MARCHF8: variants seen among roughly 807,000 people sequenced by gnomAD.
MARCHF8 encodes E3 ubiquitin-protein ligase MARCHF8.
MARCHF8 carries 40 observed loss-of-function variants against 51.6 expected under a neutral mutation model. That is an observed-to-expected ratio of 0.77 (90% CI 0.60 to 1.01). MARCHF8 has a LOEUF of 1.01. Among genes scored for constraint, MARCHF8 ranks in the 50% least tolerant of loss-of-function variants. The pLI is 0.00. For missense variants in MARCHF8, 685 were observed against 708.6 expected, an observed-to-expected ratio of 0.97 and a Z score of 0.38; for synonymous variants, 263 against 280.3, an observed-to-expected ratio of 0.94 and a Z score of 0.62.
chr10:45,593,966 T>C (rs112400520), intron 1 of MARCHF8, among the ~76,000 whole-genome samples: 2,082 of 152,300 alleles, frequency 0.014, 54 homozygotes, highest in African/African-American at 0.047. Flanking sequence ...AGCGTGGGGA[T>C]GGGTGGTGAG....
At chr10:45,509,356 G>T (rs2043450766) in intron 2 of MARCHF8, among the ~76,000 whole-genome samples, 1 of 152,158 alleles carries the variant, frequency 6.6e-6, no homozygotes, top group Non-Finnish European at 1.5e-5. Flanking sequence ...TCTTCTTAAA[G>T]CTATCTATAA....
At position 45,459,258 on chromosome 10, in the gene MARCHF8, A is replaced by G; in HGVS notation, c.1279T>C (p.Leu427=). The G allele has an allele frequency of 6.2e-7, 1 of 1,613,896 alleles. No individual in the cohort carries two copies. Among genetic ancestry groups the G allele is most frequent in the Non-Finnish European group, 8.5e-7 (1 of 1,179,928 alleles). ...CTGCGCTCGCTGGACGTCATCTGCA[A>G]CTTCTCCCACTAGAAAGACAACACA... ...KLKPLRKWEK[L]QMTSSERRKI... is the part of the protein sequence containing the mutation. Residue 427 remains leucine (L), a synonymous_variant, in exon 7 of 8, where the codon TTG becomes CTG. Transcript: ENST00000453424.
chr10:45,523,851 T>G (rs1427882546), intron 2 of MARCHF8, among the ~76,000 whole-genome samples: 1 of 152,224 alleles, frequency 6.6e-6, no homozygotes, highest in Admixed American at 6.5e-5. Flanking sequence ...AAACTCTCAC[T>G]AGACCAACAT....
intron 3 of MARCHF8, among the ~76,000 whole-genome samples, chr10:45,468,322 T>C (rs907024122): frequency 6.6e-6 from 1 of 152,204 alleles, no homozygotes; most frequent in Non-Finnish European, 1.5e-5. Flanking sequence ...GTTTACCCAG[T>C]TGATAGTGCA....
rs552045759 is a variant in MARCHF8 at position 45,533,064 on chromosome 10, A to G, written c.102+46T>C. 6.2e-5 allele frequency: 91 copies of G among 1,479,398 alleles called. No individual in the cohort carries two copies. In the African/African-American group the frequency reaches 1.2e-3, roughly 20 times the overall value. The allele number at this position is 1,479,398 out of a possible 1,614,324, so 91.6% of individuals were successfully genotyped here. On this transcript the variant is annotated intron_variant, in intron 2 of 7. Transcript: ENST00000453424. ...CACTGTTCTAGGTCATCTTTAATAA[A>G]AATTTAATAAAAATAATGAAACTAA...
chr10:45,524,007 C>T (rs1184814461), intron 2 of MARCHF8, among the ~76,000 whole-genome samples: 5 of 152,076 alleles, frequency 3.3e-5, no homozygotes, highest in African/African-American at 7.2e-5. Context: ...TAGCTGGAAT[C>T]GATATTGTTG....
chr10:45,518,788 G>C (rs903970918), intron 2 of MARCHF8, among the ~76,000 whole-genome samples: 3 of 152,180 alleles, frequency 2.0e-5, no homozygotes, highest in Non-Finnish European at 4.4e-5. Context: ...ACACTGGTAT[G>C]GTTCTAGAGC....
At chr10:45,557,362 C>G (rs1169191083) in intron 1 of MARCHF8, among the ~76,000 whole-genome samples, 4 of 152,082 alleles carry the variant, frequency 2.6e-5, no homozygotes, top group Middle Eastern at 3.4e-3. Context: ...CTCCTGACCT[C>G]AGGTGATCCA....
intron 1 of MARCHF8, among the ~76,000 whole-genome samples, chr10:45,584,826 G>A (rs545790729): frequency 2.1e-4 from 32 of 152,222 alleles, no homozygotes; most frequent in African/African-American, 5.8e-4. Context: ...TCCTATTGCC[G>A]GCTTTGAAGA....
chr10:45,509,415 T>G (rs73287373), intron 2 of MARCHF8, among the ~76,000 whole-genome samples: 3,758 of 152,314 alleles, frequency 0.025, 158 homozygotes, highest in African/African-American at 0.085. Context: ...GAAACACTTG[T>G]AAACATCTTA....
chr10:45,454,625 C>T lies in MARCHF8; in HGVS notation c.*3614G>A, dbSNP rs1197575257. ...GGCTTTATTGCTGCAATTAGACATC[C>T]CAGTGTATAGCACAAACCCCCCTGT... On this transcript the variant is annotated 3_prime_UTR_variant, in exon 8 of 8. Coordinates refer to ENST00000453424, the MANE Select transcript of MARCHF8 (RefSeq NM_001282866.2). 6.6e-6 allele frequency: 1 copy of T among 152,148 alleles called. No homozygotes were observed. The highest frequency in any genetic ancestry group is 1.5e-5 in the Non-Finnish European group (1 of 68,022). 9.4% of individuals were successfully genotyped at this position (152,148 alleles called of 1,614,324 possible).
intron 2 of MARCHF8, among the ~76,000 whole-genome samples, chr10:45,520,603 C>T (rs1227914694): frequency 6.6e-6 from 1 of 152,134 alleles, no homozygotes; most frequent in Non-Finnish European, 1.5e-5. Flanking sequence ...GGGCTAGTCA[C>T]CAGATTTCTG....
At chr10:45,460,727 A>C (rs1172151761) in intron 6 of MARCHF8, among the ~76,000 whole-genome samples, 1 of 152,236 alleles carries the variant, frequency 6.6e-6, no homozygotes, top group East Asian at 1.9e-4. Context: ...TTCTGAAGAC[A>C]GTTGCACATC....
chr10:45,572,051 A>G (rs1003460289), intron 1 of MARCHF8, among the ~76,000 whole-genome samples: 8 of 152,068 alleles, frequency 5.3e-5, no homozygotes, highest in African/African-American at 2.4e-5. Context: ...TTGCAGGGAC[A>G]CCTGCTTTGG....
At chr10:45,534,628 G>A (rs2043945506) in intron 1 of MARCHF8, among the ~76,000 whole-genome samples, 1 of 152,130 alleles carries the variant, frequency 6.6e-6, no homozygotes, top group Non-Finnish European at 1.5e-5. Flanking sequence ...ACAGAAAATG[G>A]AAGCCTTCAA....
intron 1 of MARCHF8, among the ~76,000 whole-genome samples, chr10:45,548,765 G>A (rs1050409143): frequency 1.1e-4 from 17 of 152,130 alleles, no homozygotes; most frequent in African/African-American, 4.1e-4. Context: ...GGAGGCCGAG[G>A]CGGTGGATCG....
chr10:45,582,425 T>C (rs566616098), intron 1 of MARCHF8, among the ~76,000 whole-genome samples: 78 of 152,300 alleles, frequency 5.1e-4, no homozygotes, highest in Admixed American at 1.8e-3. Context: ...CTTCTCCAAG[T>C]TGTAAAATGC....
intron 1 of MARCHF8, among the ~76,000 whole-genome samples, chr10:45,562,981 G>A (rs543800200): frequency 1.3e-5 from 2 of 151,456 alleles, no homozygotes; most frequent in East Asian, 3.9e-4. Flanking sequence ...GATGAGGGAT[G>A]CAAAACCCAC....
At chr10:45,547,802 T>C (rs1449343596) in intron 1 of MARCHF8, among the ~76,000 whole-genome samples, 1 of 152,190 alleles carries the variant, frequency 6.6e-6, no homozygotes, top group Non-Finnish European at 1.5e-5. Flanking sequence ...GTCTTTTTTG[T>C]CTATAGAGGG....
Sources: gnomAD v4.1 joint callset for allele counts (sites outside exome capture counted in the v4.1 genomes callset) on GRCh38, gnomAD v4.1.1 for gene constraint, MANE v1.5 for transcripts, NCBI Gene and HGNC (gene_info 2026-07-23, HGNC 2026-07-21) for gene names.